ABCA8: variants seen among roughly 807,000 people sequenced by gnomAD.
ABCA8 encodes ATP binding cassette subfamily A member 8.
ABCA8 carries 177 observed loss-of-function variants against 192.3 expected under a neutral mutation model. That is an observed-to-expected ratio of 0.92 (90% CI 0.81 to 1.04). The LOEUF is 1.04. ABCA8 is among the 50% of genes least tolerant of loss of function. The pLI is 0.00. For missense variants in ABCA8, 1,915 were observed against 1,904.8 expected (o/e 1.01, Z -0.10); for synonymous variants, 642 against 690.2 (o/e 0.93, Z 1.09).
chr17:68,910,856 T>C lies in ABCA8; in HGVS notation c.2139-2977A>G, dbSNP rs141176144. Among the ~76,000 whole-genome samples the C allele has an allele frequency of 4.4e-3, 674 of 152,272 alleles. 5 individuals are homozygous for C. The highest frequency in any genetic ancestry group is 6.9e-3 in the Non-Finnish European group (469 of 68,008). On this transcript the variant is annotated intron_variant, in intron 17 of 39. Coordinates refer to ENST00000586539, the MANE Select transcript of ABCA8 (RefSeq NM_001288985.2). ...CTAGGCCAGAAGGGCACCTGCTGCCTTGAAGAAAAAGACCCAGTTCTGGCA... is the reference window on the plus strand; with the variant it reads ...CTAGGCCAGAAGGGCACCTGCTGCCCTGAAGAAAAAGACCCAGTTCTGGCA...
intron 1 of ABCA8, among the ~76,000 whole-genome samples, chr17:68,952,588 T>C (rs2068598909): frequency 6.6e-6 from 1 of 152,202 alleles, no homozygotes; most frequent in Admixed American, 6.5e-5. Context: ...GAGGCTTTGA[T>C]ATACTTGGGC....
intron 2 of ABCA8, among the ~76,000 whole-genome samples, chr17:68,942,952 C>A (rs1027009978): frequency 6.6e-6 from 1 of 152,064 alleles, no homozygotes; most frequent in African/African-American, 2.4e-5. Flanking sequence ...TCCTTGAACA[C>A]CCAATTTAAT....
chr17:68,918,445 G>A lies in ABCA8; in HGVS notation c.1890C>T (p.Ala630=). The A allele has an allele frequency of 6.4e-7, 1 of 1,573,864 alleles. No homozygotes were observed. The change falls in exon 15 of 40, where the codon GCC becomes GCT. Residue 630 remains alanine (A), a synonymous_variant. Transcript: ENST00000586539. ...GQKRKLTFGI[A]ILGDPQIFLL... ...GACTCACCTGAGGATCTCCTAAAATGGCAATCCCAAAGGTTAGCTTTCTTT... is the reference window on the plus strand; with the variant it reads ...GACTCACCTGAGGATCTCCTAAAATAGCAATCCCAAAGGTTAGCTTTCTTT...
At chr17:68,901,337 C>T (rs1028641443) in intron 21 of ABCA8, among the ~76,000 whole-genome samples, 2 of 152,020 alleles carry the variant, frequency 1.3e-5, no homozygotes, top group African/African-American at 4.8e-5. Flanking sequence ...GACATTTCTA[C>T]AAAGAAGGTG....
chr17:68,895,439 T>C (rs577427926), intron 21 of ABCA8, among the ~76,000 whole-genome samples: 6 of 152,174 alleles, frequency 3.9e-5, no homozygotes, highest in Admixed American at 3.3e-4. Context: ...GTAGACCTTC[T>C]CCCCAGAAAA....
chr17:68,946,406 G>T (rs1314997705), intron 2 of ABCA8, among the ~76,000 whole-genome samples: 1 of 152,050 alleles, frequency 6.6e-6, no homozygotes, highest in Non-Finnish European at 1.5e-5. Flanking sequence ...TCTGAGCACA[G>T]AGCTATACTC....
rs559363283 is a variant in ABCA8, at chr17:68,946,430, A to G, written c.-6+2882T>C. Among the ~76,000 whole-genome samples, 279 of 152,276 alleles carry G rather than the reference A, an allele frequency of 1.8e-3. 1 individual carries two copies. Among genetic ancestry groups the G allele is most frequent in the African/African-American group, 6.1e-3 (252 of 41,560 alleles). ...AGAGCTATACTCCATTCACAATGAC[A>G]TAAGATTGCTTCCTAGTCAATGGAA... is the stretch of plus-strand genomic sequence containing the variant. On this transcript the variant is annotated intron_variant, in intron 2 of 39. Coordinates refer to ENST00000586539, the MANE Select transcript of ABCA8 (RefSeq NM_001288985.2).
chr17:68,947,314 AT>A (rs2068437594), intron 2 of ABCA8, among the ~76,000 whole-genome samples: 1 of 152,196 alleles, frequency 6.6e-6, no homozygotes, highest in South Asian at 2.1e-4. Context: ...AAATACTATA[AT>A]TTGTCATAAG....
At chr17:68,871,533 T>C (rs2143195589) in intron 37 of ABCA8, among the ~76,000 whole-genome samples, 1 of 152,336 alleles carries the variant, frequency 6.6e-6, no homozygotes, top group East Asian at 1.9e-4. Flanking sequence ...TACATGTTCA[T>C]TTGCATATCT....
chr17:68,881,238 A>G, intron 31 of ABCA8, 27 bp from the exon 32 acceptor site: 1 of 1,425,354 alleles, frequency 7.0e-7, no homozygotes, highest in Non-Finnish European at 9.9e-7. Flanking sequence ...ACTTAATATT[A>G]ATCTATTTTA....
chr17:68,913,492 TAAAAAAAAG>T (rs1236797571), intron 17 of ABCA8, among the ~76,000 whole-genome samples: 1 of 147,868 alleles, frequency 6.8e-6, no homozygotes, highest in East Asian at 2.0e-4. Flanking sequence ...TTAGCCAGAC[TAAAAAAAAG>T]AAAAAAAAGA....
chr17:68,913,148 C>T lies in ABCA8; in HGVS notation c.2138+4213G>A, dbSNP rs1598247788. ...AATTAAATAATATGTGTTAGAATGA[C>T]CAGTGTGTCAAGGAAGAAATTAAGA... On this transcript the variant is annotated intron_variant, in intron 17 of 39. Transcript: ENST00000586539. 2.6e-5 allele frequency among the ~76,000 whole-genome samples: 4 copies of T among 151,714 alleles called. No homozygotes were observed. In the East Asian group the frequency reaches 7.7e-4, roughly 29 times the overall value.
Position 68,911,801 on chromosome 17 carries a change from A to G in ABCA8, c.2139-3922T>C, listed in dbSNP as rs1411382770. Among the ~76,000 whole-genome samples, 2 of 152,002 alleles carry G rather than the reference A, an allele frequency of 1.3e-5. No homozygotes were observed. The highest frequency in any genetic ancestry group is 4.8e-5 in the African/African-American group (2 of 41,386). ...TTGGAGAAAGATAAGGGAAGGGAACAAGCATCTCTGCCTGGTAATCCAAAG... is the reference window on the plus strand; with the variant it reads ...TTGGAGAAAGATAAGGGAAGGGAACGAGCATCTCTGCCTGGTAATCCAAAG... On this transcript the variant is annotated intron_variant, in intron 17 of 39. Transcript: ENST00000586539. The surrounding 1 kb of genome is among the most constrained non-coding windows in gnomAD (Gnocchi z 5.7).
intron 17 of ABCA8, among the ~76,000 whole-genome samples, chr17:68,915,485 A>C (rs1253429398): frequency 2.6e-5 from 4 of 152,212 alleles, no homozygotes; most frequent in Non-Finnish European, 4.4e-5. Flanking sequence ...GATAGTTCCC[A>C]AAAGAAGACA....
At chr17:68,943,815 A>T (rs1163743898) in intron 2 of ABCA8, among the ~76,000 whole-genome samples, 2 of 152,050 alleles carry the variant, frequency 1.3e-5, no homozygotes, top group African/African-American at 4.8e-5. Context: ...AATTACCAGG[A>T]CCCCAGCACA....
intron 39 of ABCA8, 40 bp from the exon 40 acceptor site, chr17:68,868,223 C>T (rs1306730108): frequency 1.2e-6 from 2 of 1,606,208 alleles, no homozygotes; most frequent in South Asian, 1.1e-5. Flanking sequence ...AGAACAATGC[C>T]GTGCTGCCTC....
rs114820346 is a variant in ABCA8, at chr17:68,869,236, G to A, written c.4711+464C>T. ...TGCAAGGAAAACATGAACCTGTGAT[G>A]ACAGATGCAGGGAAGTTAGTTCTAA... On this transcript the variant is annotated intron_variant, in intron 38 of 39. Coordinates refer to ENST00000586539, the MANE Select transcript of ABCA8 (RefSeq NM_001288985.2). Among the ~76,000 whole-genome samples the A allele has an allele frequency of 4.0e-3, 616 of 152,278 alleles. 6 individuals are homozygous for A. Among genetic ancestry groups the A allele is most frequent in the African/African-American group, 0.014 (579 of 41,556 alleles).
chr17:68,915,935 T>A (rs997163744), intron 17 of ABCA8, among the ~76,000 whole-genome samples: 1 of 152,190 alleles, frequency 6.6e-6, no homozygotes, highest in African/African-American at 2.4e-5. Flanking sequence ...AATGGAGTAC[T>A]ATTCAGCCAT....
At chr17:68,952,375 C>T (rs770618518) in intron 1 of ABCA8, among the ~76,000 whole-genome samples, 26 of 152,078 alleles carry the variant, frequency 1.7e-4, no homozygotes, top group Non-Finnish European at 3.7e-4. Flanking sequence ...CCCGCCACCA[C>T]GCCCAGCTAA....
Sources: gnomAD v4.1 joint callset for allele counts (sites outside exome capture counted in the v4.1 genomes callset) on GRCh38, gnomAD v4.1.1 for gene constraint, Gnocchi (gnomAD v3.1) non-coding constraint, MANE v1.5 for transcripts, NCBI Gene and HGNC (gene_info 2026-07-23, HGNC 2026-07-21) for gene names.